Variants in SP140 observed in about 807,000 individuals in gnomAD.
SP140 encodes SP140 nuclear body protein, also known as nuclear body protein SP140.
In SP140, 81 loss-of-function variants were observed where a neutral mutation model predicts 125.0. The ratio of observed to expected loss-of-function variants is 0.65; its 90% CI spans 0.54 to 0.78. The LOEUF (loss-of-function observed/expected upper bound fraction) is 0.78. Among genes scored for constraint, SP140 ranks in the 30% least tolerant of loss-of-function variants. The pLI is 0.00. For synonymous variants in SP140, 312 were observed against 354.0 expected, an observed-to-expected ratio of 0.88 and a Z score of 1.33; for missense variants, 858 against 1,037.0, an observed-to-expected ratio of 0.83 and a Z score of 2.37.
chr2:230,229,666 A>G (rs2046974035), intron 1 of SP140, among the ~76,000 whole-genome samples: 1 of 151,278 alleles, frequency 6.6e-6, no homozygotes, highest in Non-Finnish European at 1.5e-5. Flanking sequence ...ACGGGATTTC[A>G]CCATGTTAGC....
intron 17 of SP140, 76 bp downstream of exon 17, chr2:230,285,908 A>C: frequency 9.2e-7 from 1 of 1,091,332 alleles, no homozygotes; most frequent in East Asian, 2.4e-5. Flanking sequence ...ACGAGCCTAG[A>C]TCCACCTTAA....
chr2:230,204,017 A>T (rs72982407), intron 1 of SP140, among the ~76,000 whole-genome samples: 6 of 152,090 alleles, frequency 3.9e-5, no homozygotes, highest in Non-Finnish European at 7.4e-5. Context: ...TATTTTACCC[A>T]GGTAAAAAAT....
At chr2:230,236,984 G>T in intron 1 of SP140, 99 bp from the exon 2 acceptor site, 1 of 783,856 alleles carries the variant, frequency 1.3e-6, no homozygotes, top group East Asian at 2.8e-5. Flanking sequence ...TATACATGTT[G>T]GCTCTCCATT....
chr2:230,214,865 G>T, intron 3 of SP140: 2 of 1,111,194 alleles, frequency 1.8e-6, no homozygotes, highest in South Asian at 1.3e-5. Flanking sequence ...GGATTAACGT[G>T]CATATTCCAC....
intron 3 of SP140, chr2:230,216,891 A>T (rs771453507): frequency 1.9e-6 from 3 of 1,614,018 alleles, no homozygotes; most frequent in Middle Eastern, 3.3e-4. Flanking sequence ...AAGTGCTGAA[A>T]AAGAGCCTCT....
At chr2:230,276,117 G>A (rs1170166384) in intron 15 of SP140, among the ~76,000 whole-genome samples, 1 of 152,210 alleles carries the variant, frequency 6.6e-6, no homozygotes, top group Non-Finnish European at 1.5e-5. Flanking sequence ...ATCTAGCCAA[G>A]ATCCTAGATG....
rs1221061784 is a variant in SP140, at chr2:230,244,988, G to T, written c.572G>T (p.Gly191Val). 6.2e-7 allele frequency: 1 copy of T among 1,610,394 alleles called. No individual in the cohort carries two copies. The highest frequency in any genetic ancestry group is 8.5e-7 in the Non-Finnish European group (1 of 1,177,486). Reference sequence around the variant, plus strand: ...ATCACTGTGCCTTGTTTATTTCCAGGTTTCTCTTCAGAGTCTTGTGAGCAG... The same window carrying T: ...ATCACTGTGCCTTGTTTATTTCCAGTTTTCTCTTCAGAGTCTTGTGAGCAG... ...ALSSSPRCEP[G>V]FSSESCEQLA... The change falls in exon 6 of 27, where the codon GGT (glycine) becomes GTT (valine). Residue 191 changes from glycine (G) to valine (V), a missense_variant and splice_region_variant. By Grantham distance (109) the Gly-to-Val change is moderately radical. Transcript: ENST00000392045.
intron 16 of SP140, 111 bp from the exon 17 acceptor site, chr2:230,285,641 C>A: frequency 2.3e-6 from 2 of 881,596 alleles, no homozygotes; most frequent in Non-Finnish European, 3.7e-6. Context: ...TGGACACCTG[C>A]TCGAGGGGAT....
intron 22 of SP140, among the ~76,000 whole-genome samples, chr2:230,306,365 A>G (rs1374491733): frequency 6.6e-6 from 1 of 152,194 alleles, no homozygotes; most frequent in Non-Finnish European, 1.5e-5. Context: ...CCTCATCCAC[A>G]ACTGCTGCAG....
At chr2:230,305,270 ATGTGGTGAAAATGGAACACTTTTACACT>A (rs1356392573) in intron 22 of SP140, among the ~76,000 whole-genome samples, 1 of 152,258 alleles carries the variant, frequency 6.6e-6, no homozygotes, top group African/African-American at 2.4e-5. Flanking sequence ...GTTGGCATGG[ATGTGGTGAAAATGGAACACTTTTACACT>A]TCTGGTGGGA....
At chr2:230,199,205 C>CTTTTT (rs35807015), upstream of SP140, among the ~76,000 whole-genome samples, 4 of 89,448 alleles carry the variant, frequency 4.5e-5, no homozygotes, top group African/African-American at 9.1e-5. Context: ...ACATAATCCT[C>CTTTTT]TTTTTTTTTT....
In SP140 at chr2:230,238,089, A is replaced by C. The variant is rs571216297; in HGVS notation, c.238-124A>C. The C allele has an allele frequency of 1.4e-5, 9 of 644,304 alleles. No homozygotes were observed. The African/African-American group carries it at 1.7e-4, about 12-fold the overall frequency. The allele number at this position is 644,304 out of a possible 1,614,324, so 39.9% of individuals were successfully genotyped here. On this transcript the variant is annotated intron_variant, in intron 2 of 26. Transcript: ENST00000392045. ...TTTTTATGGTGGAGGACATTTAAGA[A>C]GTCATCCAAATATACGCAAAATTCT...
At chr2:230,266,472 G>T (rs1481745942) in intron 12 of SP140, among the ~76,000 whole-genome samples, 1 of 152,160 alleles carries the variant, frequency 6.6e-6, no homozygotes, top group Non-Finnish European at 1.5e-5. Flanking sequence ...GTTTTTCATT[G>T]CTGCATGACA....
intron 16 of SP140, among the ~76,000 whole-genome samples, chr2:230,284,922 C>T (rs1180474622): frequency 1.3e-5 from 2 of 151,988 alleles, no homozygotes; most frequent in Non-Finnish European, 2.9e-5. Context: ...GCAGTGGTTA[C>T]ATTTGGTCAG....
At position 230,312,330 on chromosome 2, in the gene SP140, A is replaced by G. The variant is rs151331276; in HGVS notation, c.2506-256A>G. On this transcript the variant is annotated intron_variant, in intron 26 of 26. Coordinates refer to ENST00000392045, the MANE Select transcript of SP140 (RefSeq NM_007237.5). Reference sequence around the variant, plus strand: ...CACACTTCAACATTGTTAAGAAAGTAAATTTCAAATGTACTCACCACAAAA... The same window carrying G: ...CACACTTCAACATTGTTAAGAAAGTGAATTTCAAATGTACTCACCACAAAA... Among the ~76,000 whole-genome samples, 6 of 152,364 alleles carry G rather than the reference A, an allele frequency of 3.9e-5. No individual in the cohort carries two copies. In the East Asian group the frequency reaches 9.6e-4, roughly 24 times the overall value.
chr2:230,263,083 T>C (rs990688754), intron 12 of SP140, among the ~76,000 whole-genome samples: 5 of 152,230 alleles, frequency 3.3e-5, no homozygotes, highest in African/African-American at 1.2e-4. Flanking sequence ...ATTATTGTGT[T>C]GCTGTCTATC....
At chr2:230,193,512 T>A in the SP140 span, among the ~76,000 whole-genome samples, 1 of 152,228 alleles carries the variant, frequency 6.6e-6, no homozygotes, top group Admixed American at 6.5e-5. Context: ...GTTTCAAGAG[T>A]TAGAACTCCT....
At chr2:230,301,056 A>G (rs1380256281) in intron 22 of SP140, among the ~76,000 whole-genome samples, 1 of 152,208 alleles carries the variant, frequency 6.6e-6, no homozygotes, top group East Asian at 1.9e-4. Flanking sequence ...AATGAACTAC[A>G]GAACTCGAAG....
At chr2:230,200,551 T>C (rs1341655730), upstream of SP140, 1 of 289,750 alleles carries the variant, frequency 3.5e-6, no homozygotes, top group Non-Finnish European at 6.5e-6. Context: ...AGCTGTACTT[T>C]CAGTATAGTA....
Sources: allele counts gnomAD v4.1 joint callset (sites outside exome capture counted in the v4.1 genomes callset), GRCh38; gene constraint gnomAD v4.1.1; transcripts MANE v1.5; gene names NCBI Gene and HGNC (gene_info 2026-07-23, HGNC 2026-07-21).